KCNIP4: variants seen among roughly 807,000 people sequenced by gnomAD.
The protein encoded by KCNIP4 is Kv channel-interacting protein 4.
Under a neutral mutation model 34.0 loss-of-function variants are expected in KCNIP4, and 12 were observed. The ratio of observed to expected loss-of-function variants is 0.35; its 90% CI spans 0.23 to 0.57. KCNIP4 has a LOEUF of 0.57. KCNIP4 is among the 20% of genes least tolerant of loss of function. The pLI is 0.83. For synonymous variants in KCNIP4, 124 were observed against 102.2 expected (o/e 1.21, Z -1.29); for missense variants, 238 against 311.7 (o/e 0.76, Z 1.78).
At chr4:21,181,372 G>A (rs1754827350) in intron 1 of KCNIP4, among the ~76,000 whole-genome samples, 1 of 152,018 alleles carries the variant, frequency 6.6e-6, no homozygotes, top group South Asian at 2.1e-4. Context: ...CTTCTCTTAA[G>A]GCTGATTCTC....
intron 3 of KCNIP4, among the ~76,000 whole-genome samples, chr4:20,805,091 T>G (rs975511605): frequency 6.6e-6 from 1 of 151,948 alleles, no homozygotes; most frequent in African/African-American, 2.4e-5. Flanking sequence ...AAAATCCATT[T>G]AGCTCCTACT....
chr4:20,972,743 C>G (rs1240850851), intron 1 of KCNIP4, among the ~76,000 whole-genome samples: 1 of 152,042 alleles, frequency 6.6e-6, no homozygotes, highest in Non-Finnish European at 1.5e-5. Context: ...GGAAAGGGGA[C>G]CCGAGCAAGT....
At chr4:21,433,356 C>A (rs1484340185) in intron 1 of KCNIP4, among the ~76,000 whole-genome samples, 1 of 152,088 alleles carries the variant, frequency 6.6e-6, no homozygotes, top group East Asian at 1.9e-4. Context: ...AATCCCAGAA[C>A]TTTAGGAGGC....
At chr4:21,640,381 G>T (rs1180505561) in intron 1 of KCNIP4, among the ~76,000 whole-genome samples, 1 of 152,174 alleles carries the variant, frequency 6.6e-6, no homozygotes, top group Non-Finnish European at 1.5e-5. Context: ...GGATGCAGGG[G>T]TGCCCCTCAT....
intron 1 of KCNIP4, among the ~76,000 whole-genome samples, chr4:21,392,053 G>A (rs142047142): frequency 6.6e-6 from 1 of 152,240 alleles, no homozygotes; most frequent in African/African-American, 2.4e-5. Flanking sequence ...TACAAAAAAG[G>A]TATTTCTGAT....
Position 21,121,264 on chromosome 4 carries a change from A to G in KCNIP4, c.62-238555T>C, listed in dbSNP as rs372612277. On this transcript the variant is annotated intron_variant, in intron 1 of 8. Transcript: ENST00000382152. ...CCCTTATGCAGAAAAAGGAGTGCAA[A>G]GGCAAAGGGAGAAGGCATATAGGAG... 5.9e-5 allele frequency among the ~76,000 whole-genome samples: 9 copies of G among 152,300 alleles called. No homozygotes were observed. The East Asian group carries it at 1.5e-3, about 26-fold the overall frequency.
intron 1 of KCNIP4, among the ~76,000 whole-genome samples, chr4:21,127,718 G>T (rs2109158693): frequency 6.6e-6 from 1 of 152,314 alleles, no homozygotes; most frequent in Admixed American, 6.5e-5. Context: ...AAGGAATCTT[G>T]GCTAGTAAAT....
At chr4:21,095,680 A>C (rs1305945700) in intron 1 of KCNIP4, among the ~76,000 whole-genome samples, 1 of 152,190 alleles carries the variant, frequency 6.6e-6, no homozygotes, top group Non-Finnish European at 1.5e-5. Context: ...TTTCTCTAAA[A>C]TTAGAAAAAT....
chr4:20,783,871 G>T (rs1052350272), intron 3 of KCNIP4, among the ~76,000 whole-genome samples: 4 of 152,098 alleles, frequency 2.6e-5, no homozygotes, highest in African/African-American at 9.7e-5. Flanking sequence ...AACCATAAAG[G>T]ATCCATTTCA....
chr4:21,125,812 C>T (rs1419477057), intron 1 of KCNIP4, among the ~76,000 whole-genome samples: 1 of 152,128 alleles, frequency 6.6e-6, no homozygotes. Flanking sequence ...AGGGTCACAT[C>T]ACTCACTATA....
At chr4:21,734,080 G>A (rs1016562860) in intron 1 of KCNIP4, among the ~76,000 whole-genome samples, 2 of 152,164 alleles carry the variant, frequency 1.3e-5, no homozygotes, top group Admixed American at 1.3e-4. Flanking sequence ...TACCTTTTAT[G>A]TACATTCTCC....
At chr4:21,438,841 A>G (rs1727187518) in intron 1 of KCNIP4, among the ~76,000 whole-genome samples, 2 of 152,156 alleles carry the variant, frequency 1.3e-5, no homozygotes, top group African/African-American at 4.8e-5. Flanking sequence ...CAGCCAAGTT[A>G]TATTAACAGA....
chr4:20,897,496 TG>T (rs1411353731), intron 1 of KCNIP4, among the ~76,000 whole-genome samples: 3 of 152,138 alleles, frequency 2.0e-5, no homozygotes, highest in Non-Finnish European at 4.4e-5. Flanking sequence ...TAGCCTAAAT[TG>T]TACCTGCCCC....
chr4:21,854,318 G>A (rs4697241), intron 1 of KCNIP4, among the ~76,000 whole-genome samples: 52,808 of 152,132 alleles, frequency 0.35, 10,903 homozygotes, highest in East Asian at 0.64. Context: ...AAACCTACAA[G>A]ATGAGATAGC....
intron 1 of KCNIP4, among the ~76,000 whole-genome samples, chr4:21,442,879 A>G (rs958679434): frequency 6.6e-6 from 1 of 152,194 alleles, no homozygotes; most frequent in African/African-American, 2.4e-5. Flanking sequence ...TTAAATATCT[A>G]ATAGGTCCCT....
intron 1 of KCNIP4, among the ~76,000 whole-genome samples, chr4:21,692,850 T>G (rs1711816687): frequency 7.9e-6 from 1 of 126,426 alleles, no homozygotes; most frequent in South Asian, 2.5e-4. Context: ...TTTTTTTTTT[T>G]GCCAAGATTC....
At chr4:21,764,720 G>T (rs1002791800) in intron 1 of KCNIP4, among the ~76,000 whole-genome samples, 1 of 152,044 alleles carries the variant, frequency 6.6e-6, no homozygotes, top group Non-Finnish European at 1.5e-5. Flanking sequence ...TTTCCACCAA[G>T]GGCTCAGATG....
At chr4:20,784,822 C>T (rs376300684) in intron 3 of KCNIP4, among the ~76,000 whole-genome samples, 3 of 152,052 alleles carry the variant, frequency 2.0e-5, no homozygotes, top group Admixed American at 6.6e-5. Context: ...GTGTGCATTA[C>T]GGTTCATCAC....
chr4:20,896,127 G>A (rs894929574), intron 1 of KCNIP4, among the ~76,000 whole-genome samples: 3 of 152,116 alleles, frequency 2.0e-5, no homozygotes, highest in Non-Finnish European at 4.4e-5. Context: ...GAAATTGGAT[G>A]GGTCTGGTGA....
Sources: gnomAD v4.1 joint callset for allele counts (sites outside exome capture counted in the v4.1 genomes callset) on GRCh38, gnomAD v4.1.1 for gene constraint, MANE v1.5 for transcripts, NCBI Gene and HGNC (gene_info 2026-07-23, HGNC 2026-07-21) for gene names.